Variants in ANO10 observed in about 807,000 individuals in gnomAD.
ANO10 encodes the protein anoctamin 10, also known as anoctamin-10.
A neutral mutation model predicts 74.7 loss-of-function variants in ANO10; 77 were observed. The ratio of observed to expected loss-of-function variants is 1.03; its 90% CI spans 0.86 to 1.25. The LOEUF (loss-of-function observed/expected upper bound fraction) is 1.25, where lower values mean the gene tolerates loss of function less well. Among genes scored for constraint, ANO10 ranks in the 50% most tolerant of loss-of-function variants. ANO10 has a pLI of 0.00. For missense variants in ANO10, 721 were observed against 778.1 expected (o/e 0.93, Z 0.87); for synonymous variants, 279 against 284.9 (o/e 0.98, Z 0.21).
intron 11 of ANO10, among the ~76,000 whole-genome samples, chr3:43,433,737 G>A (rs989920408): frequency 3.9e-5 from 6 of 152,162 alleles, no homozygotes; most frequent in Non-Finnish European, 5.9e-5. Flanking sequence ...CTGTTCAGAT[G>A]TATAGGCTCA....
chr3:43,445,431 C>A (rs1842806), intron 11 of ANO10, among the ~76,000 whole-genome samples: 1 of 151,446 alleles, frequency 6.6e-6, no homozygotes, highest in Non-Finnish European at 1.5e-5. Context: ...GTTAACTTTT[C>A]TGTAATCTAA....
At chr3:43,542,620 T>C (rs2079006376) in intron 11 of ANO10, among the ~76,000 whole-genome samples, 1 of 152,230 alleles carries the variant, frequency 6.6e-6, no homozygotes, top group South Asian at 2.1e-4. Flanking sequence ...AATGTCTCCA[T>C]TTTATATCCA....
At position 43,661,206 on chromosome 3, in the gene ANO10, C is replaced by G. The variant is rs528418593; in HGVS notation, c.-12+30311G>C. 6.3e-4 allele frequency among the ~76,000 whole-genome samples: 96 copies of G among 152,358 alleles called. 1 individual carries two copies. The highest frequency in any genetic ancestry group is 2.0e-3 in the African/African-American group (85 of 41,582). On this transcript the variant is annotated intron_variant, in intron 1 of 3. Coordinates refer to the ANO10 transcript ENST00000413397. ...AGCCCATCAGACTAACAGCAGATCTCTCTGCAGAAACCCTACAAGCCAGAA... is the reference window on the plus strand; with the variant it reads ...AGCCCATCAGACTAACAGCAGATCTGTCTGCAGAAACCCTACAAGCCAGAA...
At chr3:43,545,642 A>G (rs1170112004) in intron 11 of ANO10, among the ~76,000 whole-genome samples, 2 of 152,230 alleles carry the variant, frequency 1.3e-5, no homozygotes, top group African/African-American at 4.8e-5. Context: ...CTGAGATTAC[A>G]GGCATGAGCC....
chr3:43,489,509 A>C (rs1025529452), intron 11 of ANO10, among the ~76,000 whole-genome samples: 62 of 152,074 alleles, frequency 4.1e-4, no homozygotes, highest in African/African-American at 1.4e-3. Context: ...GCCTTTTGCA[A>C]GTTGATTTTT....
chr3:43,378,665 C>T (rs1490478353), intron 12 of ANO10, among the ~76,000 whole-genome samples: 1 of 152,130 alleles, frequency 6.6e-6, no homozygotes, highest in African/African-American at 2.4e-5. Context: ...ATGTACCCTT[C>T]CCCCCAGAGC....
intron 11 of ANO10, among the ~76,000 whole-genome samples, chr3:43,456,837 G>C (rs1575885206): frequency 1.3e-5 from 2 of 152,190 alleles, no homozygotes; most frequent in Non-Finnish European, 2.9e-5. Flanking sequence ...GTGGTCATGG[G>C]AAAAGTGGAT....
At chr3:43,619,340 T>G (rs2083272801) in intron 1 of ANO10, among the ~76,000 whole-genome samples, 1 of 152,164 alleles carries the variant, frequency 6.6e-6, no homozygotes, top group Non-Finnish European at 1.5e-5. Context: ...GGATCCTAAA[T>G]ATTAGTGGGA....
chr3:43,423,845 C>T (rs770998093), intron 12 of ANO10, among the ~76,000 whole-genome samples: 2 of 152,212 alleles, frequency 1.3e-5, no homozygotes, highest in Non-Finnish European at 2.9e-5. Flanking sequence ...GGCTCATGTT[C>T]TCACACACTA....
intron 12 of ANO10, among the ~76,000 whole-genome samples, chr3:43,396,832 C>T (rs2092391412): frequency 6.6e-6 from 1 of 151,954 alleles, no homozygotes; most frequent in African/African-American, 2.4e-5. Context: ...CATGCCAGGT[C>T]ATTTTATTGC....
chr3:43,432,941 A>ATCCTTTTTTTTT (rs2093007560), intron 11 of ANO10, among the ~76,000 whole-genome samples: 1 of 46,540 alleles, frequency 2.1e-5, no homozygotes, highest in Non-Finnish European at 4.9e-5. Flanking sequence ...ACTTTGCTTA[A>ATCCTTTTTTTTT]TTCTTTTTTT....
At chr3:43,644,525 C>G (rs1298967706) in intron 1 of ANO10, among the ~76,000 whole-genome samples, 1 of 152,190 alleles carries the variant, frequency 6.6e-6, no homozygotes, top group Non-Finnish European at 1.5e-5. Flanking sequence ...ACTGGCCTCT[C>G]CAGATCCAAG....
intron 1 of ANO10, chr3:43,689,510 C>T (rs1041148517): frequency 6.6e-6 from 1 of 152,064 alleles, no homozygotes; most frequent in Admixed American, 6.5e-5. Context: ...TCTGGTCTTC[C>T]CTAAAATATT....
At chr3:43,495,450 T>C (rs2076877967) in intron 11 of ANO10, among the ~76,000 whole-genome samples, 1 of 152,012 alleles carries the variant, frequency 6.6e-6, no homozygotes, top group South Asian at 2.1e-4. Context: ...AAACAACAGA[T>C]AGAAGAAAAT....
chr3:43,438,604 G>A (rs1313905733), intron 11 of ANO10, among the ~76,000 whole-genome samples: 1 of 152,092 alleles, frequency 6.6e-6, no homozygotes, highest in Non-Finnish European at 1.5e-5. Flanking sequence ...AAATTTAGCT[G>A]GGCGTGGTGG....
chr3:43,423,841 T>C (rs530518075), intron 12 of ANO10, among the ~76,000 whole-genome samples: 1 of 152,358 alleles, frequency 6.6e-6, no homozygotes, highest in South Asian at 2.1e-4. Flanking sequence ...GCCTGGCTCA[T>C]GTTCTCACAC....
At position 43,565,818 on chromosome 3, in the gene ANO10, G is replaced by A. The variant is rs2080292714; in HGVS notation, c.1219-91C>T. 2.2e-6 allele frequency: 3 copies of A among 1,362,796 alleles called. No homozygotes were observed. The African/African-American group carries it at 4.4e-5, about 20-fold the overall frequency. The allele number at this position is 1,362,796 out of a possible 1,614,324, so 84.4% of individuals were successfully genotyped here. On this transcript the variant is annotated intron_variant, in intron 7 of 12. Coordinates refer to ENST00000292246, the MANE Select transcript of ANO10 (RefSeq NM_018075.5). ...TAATGCAGCATTTAAAAATGTAATG[G>A]GAGCGGGGAGGAGCCAAGAGGGCCG...
rs56186109 is a variant in ANO10, at chr3:43,578,749, C to CAAAAAAAAAAAAA, written c.593-1501_593-1489dup. Among the ~76,000 whole-genome samples, 31 of 64,438 alleles carry CAAAAAAAAAAAAA rather than the reference C, an allele frequency of 4.8e-4. 4 individuals are homozygous for CAAAAAAAAAAAAA. Among genetic ancestry groups the CAAAAAAAAAAAAA allele is most frequent in the Non-Finnish European group, 6.9e-4 (23 of 33,496 alleles). 42.3% of individuals were successfully genotyped at this position (64,438 alleles called of 152,430 possible). A position where few individuals can be genotyped will look rare whatever the true frequency, so the allele number is the denominator to read the frequency against. ...TGGGCCACAGAGCAAGACTCCATCT[C>CAAAAAAAAAAAAA]AAAAAAAAAAAAAAAAAAAAAAAAA... On this transcript the variant is annotated intron_variant, in intron 5 of 12. Transcript: ENST00000292246.
In ANO10 at chr3:43,366,671, G is replaced by T. The variant is rs2091420984; in HGVS notation, c.*235C>A. The T allele has an allele frequency of 3.4e-6, 2 of 590,484 alleles. No individual in the cohort carries two copies. The highest frequency in any genetic ancestry group is 6.1e-6 in the Non-Finnish European group (2 of 329,912). The allele number at this position is 590,484 out of a possible 1,614,324, so 36.6% of individuals were successfully genotyped here. A position where few individuals can be genotyped will look rare whatever the true frequency, so the allele number is the denominator to read the frequency against. On this transcript the variant is annotated 3_prime_UTR_variant, in exon 13 of 13. Coordinates refer to ENST00000292246, the MANE Select transcript of ANO10 (RefSeq NM_018075.5). ...CAGCTGGAGCAGCGTGTGGGGCCCGGGAAGGAACTGGGAAGGAGCAGACAG... is the reference window on the plus strand; with the variant it reads ...CAGCTGGAGCAGCGTGTGGGGCCCGTGAAGGAACTGGGAAGGAGCAGACAG...
Sources: allele counts gnomAD v4.1 joint callset (sites outside exome capture counted in the v4.1 genomes callset), GRCh38; gene constraint gnomAD v4.1.1; transcripts MANE v1.5; gene names NCBI Gene and HGNC (gene_info 2026-07-23, HGNC 2026-07-21).